Variants in PRKN observed in about 807,000 individuals in gnomAD.
The protein encoded by PRKN is E3 ubiquitin-protein ligase parkin.
PRKN carries 56 observed loss-of-function variants against 59.5 expected under a neutral mutation model. That is an observed-to-expected ratio of 0.94 (90% confidence interval 0.76 to 1.18). PRKN has a LOEUF of 1.18. Among genes scored for constraint, PRKN ranks in the 50% most tolerant of loss-of-function variants. The pLI is 0.00. For missense variants in PRKN, 657 were observed against 596.4 expected (o/e 1.10, Z -1.06); for synonymous variants, 250 against 222.1 (o/e 1.13, Z -1.12).
At chr6:161,559,952 G>A (rs1437757652) in intron 8 of PRKN, among the ~76,000 whole-genome samples, 2 of 151,196 alleles carry the variant, frequency 1.3e-5, no homozygotes, top group Non-Finnish European at 3.0e-5. Context: ...TAATGCCAAG[G>A]CACACCTGAG....
rs1777368037 is a variant in PRKN, at chr6:161,487,464, G to C, written c.1083+61390C>G. 6.6e-6 allele frequency among the ~76,000 whole-genome samples: 1 copy of C among 152,106 alleles called. No homozygotes were observed. The highest frequency in any genetic ancestry group is 2.4e-5 in the African/African-American group (1 of 41,410). On this transcript the variant is annotated intron_variant, in intron 9 of 11. Coordinates refer to ENST00000366898, the MANE Select transcript of PRKN (RefSeq NM_004562.3). This position sits in a 1 kb window ranked among gnomAD's most constrained non-coding sequence, Gnocchi z 5.3. The stretch of plus-strand genomic sequence containing the variant: ...GTTGGGAAGGTAATGAGATGGGTTT[G>C]GAAAGGTTAGTTTGGGTAAAGCTTG...
At chr6:161,568,320 G>A (rs891723136) in intron 8 of PRKN, among the ~76,000 whole-genome samples, 4 of 152,380 alleles carry the variant, frequency 2.6e-5, no homozygotes, top group East Asian at 1.9e-4. Context: ...TGGGCTGGGC[G>A]TGATGGCTCA....
intron 1 of PRKN, among the ~76,000 whole-genome samples, chr6:162,724,795 C>T (rs1396887786): frequency 6.6e-6 from 1 of 152,160 alleles, no homozygotes; most frequent in Non-Finnish European, 1.5e-5. Flanking sequence ...CTCTTGTTCT[C>T]TGTAACTAGT....
At chr6:161,956,229 T>C (rs1007113802) in intron 6 of PRKN, among the ~76,000 whole-genome samples, 2 of 152,218 alleles carry the variant, frequency 1.3e-5, no homozygotes, top group Admixed American at 6.5e-5. Flanking sequence ...ACAACATTCT[T>C]TCTCCAGGGC....
At chr6:162,007,601 T>G (rs1426604640) in intron 5 of PRKN, among the ~76,000 whole-genome samples, 1 of 152,182 alleles carries the variant, frequency 6.6e-6, no homozygotes, top group African/African-American at 2.4e-5. Flanking sequence ...TTAAGTTTTA[T>G]AGCAGAGCTG....
intron 7 of PRKN, among the ~76,000 whole-genome samples, chr6:161,715,515 T>C (rs541743528): frequency 5.3e-5 from 8 of 152,288 alleles, no homozygotes; most frequent in African/African-American, 1.7e-4. Context: ...GGAGATTAGG[T>C]TAGTCATGAT....
chr6:162,568,423 T>C (rs1229578816), intron 1 of PRKN: 1 of 584,902 alleles, frequency 1.7e-6, no homozygotes, highest in South Asian at 1.7e-5. Flanking sequence ...TGTCCACCTC[T>C]ATGGGCAGCA....
At chr6:162,313,030 C>G (rs1351090947) in intron 2 of PRKN, among the ~76,000 whole-genome samples, 1 of 151,926 alleles carries the variant, frequency 6.6e-6, no homozygotes. Context: ...TGCTCTCAGG[C>G]CAAAGAAAGA....
chr6:161,537,640 A>G (rs1464703994), intron 9 of PRKN, among the ~76,000 whole-genome samples: 1 of 151,956 alleles, frequency 6.6e-6, no homozygotes, highest in African/African-American at 2.4e-5. Context: ...TTTAGTAGAG[A>G]CGGGGTTTCA....
chr6:161,751,393 G>T (rs2128194880), intron 7 of PRKN, among the ~76,000 whole-genome samples: 1 of 152,242 alleles, frequency 6.6e-6, no homozygotes, highest in East Asian at 1.9e-4. Flanking sequence ...AAATATTAAA[G>T]CCTTCCCATT....
chr6:162,202,640 T>C (rs1784779247), intron 3 of PRKN, among the ~76,000 whole-genome samples: 1 of 152,204 alleles, frequency 6.6e-6, no homozygotes. Flanking sequence ...ATGACATTGC[T>C]GTTAGCAAAC....
chr6:162,390,375 G>GTA (rs369827763), intron 2 of PRKN, among the ~76,000 whole-genome samples: 9,488 of 98,712 alleles, frequency 0.096, 831 homozygotes, highest in East Asian at 0.35. Context: ...TACTGCTAAG[G>GTA]TATATATATA....
chr6:162,215,125 C>T (rs561379098), intron 3 of PRKN, among the ~76,000 whole-genome samples: 45 of 152,272 alleles, frequency 3.0e-4, no homozygotes, highest in African/African-American at 1.1e-3. Flanking sequence ...ATGCCCACTA[C>T]ATTTGAGTTG....
intron 8 of PRKN, among the ~76,000 whole-genome samples, chr6:161,557,017 T>G (rs2872895): frequency 0.56 from 85,124 of 152,110 alleles, 24,095 homozygotes; most frequent in East Asian, 0.7. Flanking sequence ...ATTTTGAATT[T>G]ATTGTACAAT....
In PRKN at chr6:161,428,797, T is replaced by C. The variant is rs1379066771; in HGVS notation, c.1084-41920A>G. Among the ~76,000 whole-genome samples, 1 of 152,192 alleles carries C rather than the reference T, an allele frequency of 6.6e-6. No individual in the cohort carries two copies. The highest frequency in any genetic ancestry group is 1.5e-5 in the Non-Finnish European group (1 of 68,038). Reference sequence around the variant, plus strand: ...CTTGTCATATATGGGCAAGCATTCATGTATTTCAAGTCATGTTTTTGCAGG... The same window carrying C: ...CTTGTCATATATGGGCAAGCATTCACGTATTTCAAGTCATGTTTTTGCAGG... On this transcript the variant is annotated intron_variant, in intron 9 of 11. Coordinates refer to ENST00000366898, the MANE Select transcript of PRKN (RefSeq NM_004562.3). The surrounding 1 kb of genome is among the most constrained non-coding windows in gnomAD (Gnocchi z 4.0).
chr6:162,432,474 T>C (rs1789585957), intron 2 of PRKN, among the ~76,000 whole-genome samples: 1 of 152,084 alleles, frequency 6.6e-6, no homozygotes, highest in African/African-American at 2.4e-5. Context: ...TGCAGTGAGC[T>C]GAGTTCACAC....
rs1790065027 is a variant in PRKN at position 161,458,392 on chromosome 6, A to G, written c.1084-71515T>C. Among the ~76,000 whole-genome samples the G allele has an allele frequency of 6.6e-6, 1 of 152,210 alleles. No homozygotes were observed. Among genetic ancestry groups the G allele is most frequent in the East Asian group, 1.9e-4 (1 of 5,196 alleles). On this transcript the variant is annotated intron_variant, in intron 9 of 11. Coordinates refer to ENST00000366898, the MANE Select transcript of PRKN (RefSeq NM_004562.3). This position sits in a 1 kb window ranked among gnomAD's most constrained non-coding sequence, Gnocchi z 6.1. ...ATCGACCATAAGTGCAGCTGATGCA[A>G]ACCTGGAAGCCGTTATCACAGCTCC...
At chr6:162,662,323 C>T (rs1348562346) in intron 1 of PRKN, among the ~76,000 whole-genome samples, 1 of 150,936 alleles carries the variant, frequency 6.6e-6, no homozygotes, top group African/African-American at 2.4e-5. Context: ...TGGATATTAG[C>T]CCTTTGTTGG....
At chr6:162,068,791 A>G (rs1028607619) in intron 4 of PRKN, among the ~76,000 whole-genome samples, 77 of 139,030 alleles carry the variant, frequency 5.5e-4, no homozygotes, top group African/African-American at 2.0e-3. Flanking sequence ...GGTTAGAGAA[A>G]GCAATTTCAC....
Sources: allele counts gnomAD v4.1 joint callset (sites outside exome capture counted in the v4.1 genomes callset), GRCh38; gene constraint gnomAD v4.1.1; non-coding constraint Gnocchi (gnomAD v3.1); transcripts MANE v1.5; gene names NCBI Gene and HGNC (gene_info 2026-07-23, HGNC 2026-07-21).